Variants in ARID2 observed in about 807,000 individuals in gnomAD.
The protein encoded by ARID2 is AT-rich interactive domain-containing protein 2.
Under a neutral mutation model 184.6 loss-of-function variants are expected in ARID2, and 32 were observed. The ratio of observed to expected loss-of-function variants is 0.17; its 90% CI spans 0.13 to 0.23. The LOEUF (loss-of-function observed/expected upper bound fraction) is 0.23. Among genes scored for constraint, ARID2 ranks in the 10% least tolerant of loss-of-function variants. ARID2 has a pLI of 1.00. For missense variants in ARID2, 1,696 were observed against 2,197.6 expected (o/e 0.77, Z 4.56); for synonymous variants, 836 against 772.6 (o/e 1.08, Z -1.36).
rs1944336118 is a variant in ARID2 at position 45,893,910 on chromosome 12, C to T, written c.5363+189C>T. The T allele has an allele frequency of 8.9e-6, 4 of 447,110 alleles. No homozygotes were observed. In the South Asian group the frequency reaches 2.0e-4, roughly 22 times the overall value. 27.7% of individuals were successfully genotyped at this position (447,110 alleles called of 1,614,324 possible). ...AGTCAAAAATAAATAGAAGTTAAAA[C>T]AACCAAAAGGTGGTCTCTTAAGTTG... On this transcript the variant is annotated intron_variant, in intron 20 of 20. Transcript: ENST00000334344.
At position 45,819,744 on chromosome 12, in the gene ARID2, T is replaced by G. The variant is rs564840797; in HGVS notation, c.638-1676T>G. ...TTGGTGGGTTTTTTGTTTGTTTTTT[T>G]GGGTTTTTTTTTTTTAAGAGACAGA... is the stretch of plus-strand genomic sequence containing the variant. On this transcript the variant is annotated intron_variant, in intron 5 of 20. Coordinates refer to ENST00000334344, the MANE Select transcript of ARID2 (RefSeq NM_152641.4). Among the ~76,000 whole-genome samples, 3 of 151,612 alleles carry G rather than the reference T, an allele frequency of 2.0e-5. No individual in the cohort carries two copies. In the East Asian group the frequency reaches 5.8e-4, roughly 29 times the overall value.
chr12:45,826,726 GAAGT>G (rs1165299772), intron 6 of ARID2, among the ~76,000 whole-genome samples: 2 of 152,010 alleles, frequency 1.3e-5, no homozygotes, highest in African/African-American at 2.4e-5. Context: ...CTCCCTTATA[GAAGT>G]AATTGATGCA....
At chr12:45,780,976 T>A (rs952541147) in intron 3 of ARID2, among the ~76,000 whole-genome samples, 1 of 152,108 alleles carries the variant, frequency 6.6e-6, no homozygotes, top group Non-Finnish European at 1.5e-5. Flanking sequence ...AAGAAAAATA[T>A]AGCATTTACT....
rs538353134 is a variant in ARID2, at chr12:45,788,032, A to G, written c.285-23386A>G. Among the ~76,000 whole-genome samples the G allele has an allele frequency of 7.5e-4, 114 of 152,274 alleles. 1 individual carries two copies. Among genetic ancestry groups the G allele is most frequent in the African/African-American group, 2.0e-3 (83 of 41,552 alleles). ...TTGTCGTTTACAACATACTGTTTTG[A>G]AGTATGTGTACATTGTGGAATGGTT... On this transcript the variant is annotated intron_variant, in intron 3 of 20. Transcript: ENST00000334344.
At chr12:45,826,860 C>A (rs1302437861) in intron 6 of ARID2, among the ~76,000 whole-genome samples, 1 of 152,002 alleles carries the variant, frequency 6.6e-6, no homozygotes, top group Non-Finnish European at 1.5e-5. Context: ...CTTTTCTATG[C>A]ATATTATTTA....
At chr12:45,862,437 T>A (rs1943764935) in intron 16 of ARID2, among the ~76,000 whole-genome samples, 1 of 152,228 alleles carries the variant, frequency 6.6e-6, no homozygotes, top group Non-Finnish European at 1.5e-5. Flanking sequence ...GAAACTTTCT[T>A]CACTGCATGC....
chr12:45,883,317 A>T (rs1944134471), intron 16 of ARID2, among the ~76,000 whole-genome samples: 1 of 151,914 alleles, frequency 6.6e-6, no homozygotes, highest in South Asian at 2.1e-4. Flanking sequence ...TTACTTAAAG[A>T]TGTTATCAAA....
intron 3 of ARID2, among the ~76,000 whole-genome samples, chr12:45,781,474 C>T (rs976254436): frequency 2.0e-5 from 3 of 146,922 alleles, no homozygotes; most frequent in Admixed American, 7.0e-5. Flanking sequence ...GAATAAAGGT[C>T]AGATTATCAT....
chr12:45,844,532 C>T lies in ARID2; in HGVS notation c.1499-2324C>T, dbSNP rs559500726. ...GCCCTCAATTGTAATATGTAAAATA[C>T]TGGTATTGACAGGAAGCTATACCAA... On this transcript the variant is annotated intron_variant, in intron 11 of 20. Coordinates refer to ENST00000334344, the MANE Select transcript of ARID2 (RefSeq NM_152641.4). Among the ~76,000 whole-genome samples the T allele has an allele frequency of 9.2e-5, 14 of 152,264 alleles. No homozygotes were observed. The East Asian group carries it at 1.5e-3, about 17-fold the overall frequency.
intron 20 of ARID2, among the ~76,000 whole-genome samples, chr12:45,897,654 C>T (rs1272871553): frequency 6.6e-6 from 1 of 152,054 alleles, no homozygotes; most frequent in Non-Finnish European, 1.5e-5. Flanking sequence ...GATATGTTTA[C>T]ACCAATATTG....
chr12:45,854,690 A>T (rs910559864), intron 15 of ARID2, among the ~76,000 whole-genome samples: 3 of 152,244 alleles, frequency 2.0e-5, no homozygotes, highest in African/African-American at 7.2e-5. Context: ...GAAAAACTCC[A>T]TCTCCATCAT....
intron 15 of ARID2, among the ~76,000 whole-genome samples, chr12:45,854,204 A>G (rs1411039781): frequency 6.6e-6 from 1 of 152,158 alleles, no homozygotes; most frequent in Non-Finnish European, 1.5e-5. Context: ...TTGCAGGAAA[A>G]CAAGCTCAGA....
rs1367870342 is a variant in ARID2, at chr12:45,890,502, T to G, written c.4923-1278T>G. 4.6e-5 allele frequency among the ~76,000 whole-genome samples: 7 copies of G among 152,338 alleles called. No homozygotes were observed. In the East Asian group the frequency reaches 1.3e-3, roughly 29 times the overall value. ...TGCCTCCTTGTGGCAATAACTAGTA[T>G]GTATAACAGAACTCAAATCATATTT... On this transcript the variant is annotated intron_variant, in intron 16 of 20. Coordinates refer to ENST00000334344, the MANE Select transcript of ARID2 (RefSeq NM_152641.4).
chr12:45,832,229 A>G (rs1943135883), intron 6 of ARID2, among the ~76,000 whole-genome samples: 1 of 152,194 alleles, frequency 6.6e-6, no homozygotes, highest in African/African-American at 2.4e-5. Context: ...TAAAGATAGC[A>G]TTCTTATTGA....
chr12:45,899,389 G>C (rs1011576436), intron 20 of ARID2, among the ~76,000 whole-genome samples: 1 of 149,786 alleles, frequency 6.7e-6, no homozygotes, highest in Non-Finnish European at 1.5e-5. Context: ...CAGATCACGA[G>C]GTCAGGAGAT....
intron 16 of ARID2, among the ~76,000 whole-genome samples, chr12:45,877,662 G>A (rs1363853186): frequency 6.6e-6 from 1 of 151,980 alleles, no homozygotes; most frequent in Non-Finnish European, 1.5e-5. Flanking sequence ...AAAAAAGGTT[G>A]GTGACCGTTG....
At chr12:45,790,829 A>G (rs1942278884) in intron 3 of ARID2, among the ~76,000 whole-genome samples, 1 of 152,220 alleles carries the variant, frequency 6.6e-6, no homozygotes, top group Non-Finnish European at 1.5e-5. Flanking sequence ...AAAAACTTCC[A>G]TCATTTAGAT....
chr12:45,905,261 A>T lies in ARID2; in HGVS notation c.*183A>T, dbSNP rs188242109. The T allele has an allele frequency of 8.3e-4, 439 of 527,434 alleles. 3 individuals carry two copies. Among genetic ancestry groups the T allele is most frequent in the African/African-American group, 8.0e-3 (409 of 51,340 alleles). 32.7% of individuals were successfully genotyped at this position (527,434 alleles called of 1,614,324 possible). A position where few individuals can be genotyped will look rare whatever the true frequency, so the allele number is the denominator to read the frequency against. On this transcript the variant is annotated 3_prime_UTR_variant, in exon 21 of 21. Coordinates refer to ENST00000334344, the MANE Select transcript of ARID2 (RefSeq NM_152641.4). ...GAGTGAATCCCTTTGTTCTCTGTTT[A>T]AAAAAATCTAAAAAGAAAAAGGAAA...
chr12:45,797,534 G>A (rs1168993860), intron 3 of ARID2, among the ~76,000 whole-genome samples: 3 of 152,046 alleles, frequency 2.0e-5, no homozygotes, highest in Non-Finnish European at 2.9e-5. Context: ...ACTCCCAGCC[G>A]TTTTTAAATT....
Sources: gnomAD v4.1 joint callset for allele counts (sites outside exome capture counted in the v4.1 genomes callset) on GRCh38, gnomAD v4.1.1 for gene constraint, MANE v1.5 for transcripts, NCBI Gene and HGNC (gene_info 2026-07-23, HGNC 2026-07-21) for gene names.